The following CCDC88A variants were observed in gnomAD, a reference collection of about 807,000 sequenced individuals.
CCDC88A encodes girdin.
CCDC88A carries 54 observed loss-of-function variants against 234.3 expected under a neutral mutation model. The ratio of observed to expected loss-of-function variants is 0.23; its 90% CI spans 0.19 to 0.29. CCDC88A has a LOEUF of 0.29. Ranked by LOEUF, CCDC88A falls within the 10% of genes least tolerant of loss-of-function variation. CCDC88A has a pLI of 1.00. For missense variants in CCDC88A, 1,832 were observed against 2,123.4 expected, an observed-to-expected ratio of 0.86 and a Z score of 2.70; for synonymous variants, 753 against 737.8, an observed-to-expected ratio of 1.02 and a Z score of -0.33.
At chr2:55,339,975 G>A (rs988280557) in intron 12 of CCDC88A, 6 of 180,208 alleles carry the variant, frequency 3.3e-5, no homozygotes, top group Admixed American at 6.2e-5. Flanking sequence ...GGGACTGCAG[G>A]TACAGCCAGC....
chr2:55,412,832 T>G (rs1238751986), intron 2 of CCDC88A, among the ~76,000 whole-genome samples: 2 of 152,208 alleles, frequency 1.3e-5, no homozygotes, highest in African/African-American at 2.4e-5. Context: ...CTGTGACTTT[T>G]TATCCCACTT....
At chr2:55,379,544 A>G (rs1674237708) in intron 3 of CCDC88A, among the ~76,000 whole-genome samples, 1 of 152,262 alleles carries the variant, frequency 6.6e-6, no homozygotes, top group Non-Finnish European at 1.5e-5. Flanking sequence ...ATAAACAGAA[A>G]TCCTTGTTCT....
At chr2:55,392,941 TCTA>T (rs1346089499) in intron 2 of CCDC88A, among the ~76,000 whole-genome samples, 2 of 152,196 alleles carry the variant, frequency 1.3e-5, no homozygotes, top group Admixed American at 6.5e-5. Context: ...TGATCTCAAT[TCTA>T]CTAAGACAAG....
In CCDC88A at chr2:55,380,061, TAAAAAAA is replaced by T. The variant is rs57314271; in HGVS notation, c.274-5185_274-5179del. ...CAGGATGGCAAAGCCCTGTCTCTAC[TAAAAAAA>T]AAAAAAAAAAAAAAAAAAATAGCTG... On this transcript the variant is annotated intron_variant, in intron 3 of 32. Transcript: ENST00000436346. Among the ~76,000 whole-genome samples, 13 of 75,388 alleles carry T rather than the reference TAAAAAAA, an allele frequency of 1.7e-4. No homozygotes were observed. The South Asian group carries it at 1.8e-3, about 11-fold the overall frequency. 49.5% of individuals were successfully genotyped at this position (75,388 alleles called of 152,430 possible). A position where few individuals can be genotyped will look rare whatever the true frequency, so the allele number is the denominator to read the frequency against.
intron 5 of CCDC88A, among the ~76,000 whole-genome samples, chr2:55,371,793 T>C (rs922340805): frequency 1.3e-5 from 2 of 149,262 alleles, no homozygotes; most frequent in African/African-American, 4.9e-5. Flanking sequence ...GCCCACTCTA[T>C]AATTATTAAC....
intron 3 of CCDC88A, among the ~76,000 whole-genome samples, chr2:55,381,946 T>C (rs1051293010): frequency 6.6e-6 from 1 of 152,218 alleles, no homozygotes; most frequent in African/African-American, 2.4e-5. Context: ...TAAAATTCAG[T>C]ACATGACAAC....
In CCDC88A at chr2:55,357,364, C is replaced by T. The variant is rs566428612; in HGVS notation, c.628-1613G>A. Among the ~76,000 whole-genome samples, 15 of 147,214 alleles carry T rather than the reference C, an allele frequency of 1.0e-4. No homozygotes were observed. In the East Asian group the frequency reaches 2.7e-3, roughly 27 times the overall value. ...CCTTCCTCCCTCCCTCCTTCCCTCT[C>T]TATCTCTCTCTCCCTCTCTCCCTCC... On this transcript the variant is annotated intron_variant, in intron 7 of 32. Transcript: ENST00000436346.
At position 55,301,486 on chromosome 2, in the gene CCDC88A, A is replaced by T. The variant is rs557089271; in HGVS notation, c.4673-209T>A. The T allele has an allele frequency of 1.5e-5, 8 of 519,542 alleles. No homozygotes were observed. The Admixed American group carries it at 2.6e-4, about 17-fold the overall frequency. The allele number at this position is 519,542 out of a possible 1,614,324, so 32.2% of individuals were successfully genotyped here. On this transcript the variant is annotated intron_variant, in intron 27 of 32. Transcript: ENST00000436346. ...GTTGACTTGCTTAGGGAAAACACCA[A>T]AAGCAATGAAACAATCTCCCCTCTG... is the stretch of plus-strand genomic sequence containing the variant.
intron 12 of CCDC88A, among the ~76,000 whole-genome samples, chr2:55,340,556 C>A (rs2589073): frequency 4.6e-5 from 7 of 151,856 alleles, no homozygotes; most frequent in African/African-American, 4.8e-5. Context: ...CATTAGTTGC[C>A]TAAGTCTTTT....
At chr2:55,351,882 C>T (rs932009239) in intron 8 of CCDC88A, among the ~76,000 whole-genome samples, 2 of 152,124 alleles carry the variant, frequency 1.3e-5, no homozygotes, top group Admixed American at 1.3e-4. Context: ...TGGAATATTA[C>T]TCAACTCTAA....
chr2:55,308,030 C>T lies in CCDC88A; in HGVS notation c.4387+779G>A, dbSNP rs575496146. The T allele has an allele frequency of 1.6e-4, 23 of 143,250 alleles. No homozygotes were observed. In the South Asian group the frequency reaches 4.0e-3, roughly 25 times the overall value. 8.9% of individuals were successfully genotyped at this position (143,250 alleles called of 1,614,324 possible). A position where few individuals can be genotyped will look rare whatever the true frequency, so the allele number is the denominator to read the frequency against. On this transcript the variant is annotated intron_variant, in intron 25 of 32. Transcript: ENST00000436346. Reference sequence around the variant, plus strand: ...TTCACTCTTGTTGCCCAGGCTGGAGCGCAATGGTGCAATCTCGGCCTCAGC... The same window carrying T: ...TTCACTCTTGTTGCCCAGGCTGGAGTGCAATGGTGCAATCTCGGCCTCAGC...
At chr2:55,374,745 TA>T in intron 4 of CCDC88A, 68 bp downstream of exon 4, 1 of 931,498 alleles carries the variant, frequency 1.1e-6, no homozygotes, top group Non-Finnish European at 1.7e-6. Flanking sequence ...AAGCTCTTAG[TA>T]AAAAATAAAC....
At chr2:55,325,176 A>G (rs560203753) in intron 17 of CCDC88A, among the ~76,000 whole-genome samples, 1 of 152,330 alleles carries the variant, frequency 6.6e-6, no homozygotes, top group South Asian at 2.1e-4. Context: ...TTTTAACAAT[A>G]TTGAGTCTTC....
chr2:55,303,212 G>C (rs1681102517), intron 25 of CCDC88A, 60 bp from the exon 26 acceptor site: 1 of 951,826 alleles, frequency 1.1e-6, no homozygotes, highest in Non-Finnish European at 1.7e-6. Flanking sequence ...AAAGGGAGAA[G>C]AACAGATGGG....
In CCDC88A at chr2:55,309,678, T is replaced by C. The variant is rs1042815773; in HGVS notation, c.4080-424A>G. On this transcript the variant is annotated intron_variant, in intron 23 of 32. Transcript: ENST00000436346. This position sits in a 1 kb window ranked among gnomAD's most constrained non-coding sequence, Gnocchi z 5.1. ...TCATCGCATCCTAGTCTCATTGTTA[T>C]ATTCTCAGTAGTATTTACTATACAG... Among the ~76,000 whole-genome samples, 1 of 152,186 alleles carries C rather than the reference T, an allele frequency of 6.6e-6. No individual in the cohort carries two copies. Among genetic ancestry groups the C allele is most frequent in the African/African-American group, 2.4e-5 (1 of 41,444 alleles).
intron 14 of CCDC88A, among the ~76,000 whole-genome samples, chr2:55,336,182 G>T (rs1685444563): frequency 6.6e-6 from 1 of 152,076 alleles, no homozygotes; most frequent in Non-Finnish European, 1.5e-5. Context: ...TGACAGAGCT[G>T]GACCCTGTCT....
At chr2:55,305,851 A>C (rs536375586) in intron 25 of CCDC88A, among the ~76,000 whole-genome samples, 1 of 148,406 alleles carries the variant, frequency 6.7e-6, no homozygotes, top group South Asian at 2.1e-4. Flanking sequence ...ACAGAGTAAG[A>C]CTCCATCTCT....
At chr2:55,412,776 G>A (rs926861990) in intron 2 of CCDC88A, among the ~76,000 whole-genome samples, 3 of 152,198 alleles carry the variant, frequency 2.0e-5, no homozygotes, top group African/African-American at 4.8e-5. Context: ...CTTTCTATAT[G>A]TTAAGCATTG....
At chr2:55,306,997 G>A (rs1681661924) in intron 25 of CCDC88A, among the ~76,000 whole-genome samples, 1 of 152,300 alleles carries the variant, frequency 6.6e-6, no homozygotes, top group Non-Finnish European at 1.5e-5. Context: ...CCCATTTGGA[G>A]AGTCTACCCC....
Sources: allele counts gnomAD v4.1 joint callset (sites outside exome capture counted in the v4.1 genomes callset), GRCh38; gene constraint gnomAD v4.1.1; non-coding constraint Gnocchi (gnomAD v3.1); transcripts MANE v1.5; gene names NCBI Gene and HGNC (gene_info 2026-07-23, HGNC 2026-07-21).